DRAM1: variants seen among roughly 807,000 people sequenced by gnomAD.
The protein encoded by DRAM1 is DNA damage regulated autophagy modulator 1.
Under a neutral mutation model 28.5 loss-of-function variants are expected in DRAM1, and 25 were observed. The ratio of observed to expected loss-of-function variants is 0.88; its 90% CI spans 0.64 to 1.23. The LOEUF is 1.23. Ranked by LOEUF, DRAM1 falls within the 50% of genes most tolerant of loss-of-function variation. The probability of loss-of-function intolerance (pLI) is 0.00; values close to 1 mark genes in which losing one functional copy is unlikely to be tolerated. For missense variants in DRAM1, 249 were observed against 299.2 expected (o/e 0.83, Z 1.24); for synonymous variants, 113 against 114.2 (o/e 0.99, Z 0.07).
chr12:101,913,816 A>G (rs1874134475), intron 4 of DRAM1, among the ~76,000 whole-genome samples: 1 of 151,970 alleles, frequency 6.6e-6, no homozygotes, highest in African/African-American at 2.4e-5. Flanking sequence ...TGCGTCAGTC[A>G]TTTTGACCGA....
chr12:101,881,436 C>G (rs1040427612), intron 1 of DRAM1, among the ~76,000 whole-genome samples: 5 of 152,086 alleles, frequency 3.3e-5, no homozygotes, highest in African/African-American at 9.7e-5. Context: ...CTCAAGCAAT[C>G]CCCTGACCTC....
intron 5 of DRAM1, among the ~76,000 whole-genome samples, chr12:101,918,032 A>G (rs533349526): frequency 5.3e-5 from 8 of 152,346 alleles, no homozygotes; most frequent in African/African-American, 1.9e-4. Flanking sequence ...TGAAAAGCAC[A>G]TGGTTTTCTA....
At chr12:101,886,715 T>C (rs1047470572) in intron 1 of DRAM1, among the ~76,000 whole-genome samples, 4 of 152,234 alleles carry the variant, frequency 2.6e-5, no homozygotes, top group Non-Finnish European at 4.4e-5. Context: ...TGTATTCTCA[T>C]CAAATGCCAA....
chr12:101,920,978 G>A (rs1020737614), intron 6 of DRAM1, among the ~76,000 whole-genome samples: 27 of 152,084 alleles, frequency 1.8e-4, no homozygotes, highest in Non-Finnish European at 3.8e-4. Flanking sequence ...TCCCAAAGCA[G>A]ATAGAAGATG....
intron 6 of DRAM1, 109 bp from the exon 7 acceptor site, chr12:101,921,107 A>G (rs1874464615): frequency 3.6e-6 from 3 of 835,434 alleles, no homozygotes; most frequent in Non-Finnish European, 6.3e-6. Flanking sequence ...CATAGCACAA[A>G]CCATAGTGAG....
At chr12:101,878,568 C>G (rs1872579333) in intron 1 of DRAM1, among the ~76,000 whole-genome samples, 1 of 152,242 alleles carries the variant, frequency 6.6e-6, no homozygotes, top group South Asian at 2.1e-4. Context: ...TTGTCAACAA[C>G]TTGTGACATC....
intron 3 of DRAM1, among the ~76,000 whole-genome samples, chr12:101,906,868 A>AAAAAG (rs1158979360): frequency 4.1e-5 from 6 of 147,464 alleles, no homozygotes; most frequent in Admixed American, 3.3e-4. Flanking sequence ...AAAAAAAAAA[A>AAAAAG]AAAAAGAAAA....
At chr12:101,890,080 A>AT (rs780068531) in intron 1 of DRAM1, 1 of 444,300 alleles carries the variant, frequency 2.3e-6, no homozygotes, top group South Asian at 1.6e-5. Context: ...TTCTTTTTTG[A>AT]TTTTTATTTA....
chr12:101,897,917 C>A lies in DRAM1; in HGVS notation c.186C>A (p.Phe62Leu). ...ESGIFGFMIN[F>L]SAFLGAATMY... Reference sequence around the variant, plus strand: ...GTATTTTTGGATTTATGATAAACTTCTCTGCATTTCTTGGTAAGTACACAA... The same window carrying A: ...GTATTTTTGGATTTATGATAAACTTATCTGCATTTCTTGGTAAGTACACAA... Residue 62 changes from phenylalanine to leucine, a missense_variant, in exon 2 of 7, where the codon TTC becomes TTA. By Grantham distance (22) the Phe-to-Leu change is conservative (BLOSUM62 0). This residue lies in a region of DRAM1 where 218 missense variants were observed against 243.1 expected (regional missense o/e 0.90). Transcript: ENST00000258534. The A allele has an allele frequency of 6.3e-7, 1 of 1,599,542 alleles. No homozygotes were observed. The highest frequency in any genetic ancestry group is 8.6e-7 in the Non-Finnish European group (1 of 1,167,358).
chr12:101,890,831 A>G (rs1445442610), intron 1 of DRAM1, among the ~76,000 whole-genome samples: 1 of 148,538 alleles, frequency 6.7e-6, no homozygotes, highest in Non-Finnish European at 1.5e-5. Flanking sequence ...GCTCACTGCA[A>G]CCTCCACTTC....
At chr12:101,881,228 C>A (rs149453317) in intron 1 of DRAM1, among the ~76,000 whole-genome samples, 1 of 152,144 alleles carries the variant, frequency 6.6e-6, no homozygotes, top group East Asian at 1.9e-4. Context: ...TGCCGTGAAC[C>A]GAGACTGTGC....
At chr12:101,903,239 T>C (rs1156666923) in intron 3 of DRAM1, among the ~76,000 whole-genome samples, 2 of 152,168 alleles carry the variant, frequency 1.3e-5, no homozygotes, top group African/African-American at 4.8e-5. Flanking sequence ...TTGCAATAAA[T>C]CACATTTTTG....
At chr12:101,909,823 G>A (rs985040544) in intron 4 of DRAM1, among the ~76,000 whole-genome samples, 9 of 152,026 alleles carry the variant, frequency 5.9e-5, no homozygotes, top group African/African-American at 2.2e-4. Flanking sequence ...AAAAAAAGCC[G>A]TGGTCTTAAA....
chr12:101,902,846 G>A (rs953685079), intron 3 of DRAM1, among the ~76,000 whole-genome samples: 2 of 152,038 alleles, frequency 1.3e-5, no homozygotes, highest in African/African-American at 4.8e-5. Context: ...CGTCATATCA[G>A]GAGCAAACCA....
At chr12:101,883,427 G>A (rs977310437) in intron 1 of DRAM1, among the ~76,000 whole-genome samples, 2 of 149,890 alleles carry the variant, frequency 1.3e-5, no homozygotes, top group African/African-American at 4.9e-5. Context: ...CGATTCTCCT[G>A]CCTCAGCCTC....
At chr12:101,912,762 C>G (rs1421779406) in intron 4 of DRAM1, among the ~76,000 whole-genome samples, 1 of 144,046 alleles carries the variant, frequency 6.9e-6, no homozygotes, top group African/African-American at 2.6e-5. Flanking sequence ...GAGACAGAGT[C>G]TCACCCTGTT....
rs1333187269 is a variant in DRAM1, at chr12:101,922,670, C to T, written c.*1410C>T. 6.6e-6 allele frequency: 1 copy of T among 152,160 alleles called. No individual in the cohort carries two copies. The highest frequency in any genetic ancestry group is 1.5e-5 in the Non-Finnish European group (1 of 68,046). The allele number at this position is 152,160 out of a possible 1,614,324, so 9.4% of individuals were successfully genotyped here. On this transcript the variant is annotated 3_prime_UTR_variant, in exon 7 of 7. Coordinates refer to ENST00000258534, the MANE Select transcript of DRAM1 (RefSeq NM_018370.3). The stretch of plus-strand genomic sequence containing the variant: ...GACACCCCTACCGCTGCCATTTGGG[C>T]CCTTTAATAAAGCCAAGTAGAGAAA...
chr12:101,901,377 T>A lies in DRAM1; in HGVS notation c.286T>A (p.Ser96Thr), dbSNP rs1453080469. The A allele has an allele frequency of 6.2e-7, 1 of 1,614,152 alleles. No individual in the cohort carries two copies. The highest frequency in any genetic ancestry group is 2.2e-5 in the East Asian group (1 of 44,884). Reference sequence around the variant, plus strand: ...CAGCACTCCTGTTTTTAACTTGGTGTCTTTAGTGCTTGGATTGGTGGGATG... The same window carrying A: ...CAGCACTCCTGTTTTTAACTTGGTGACTTTAGTGCTTGGATTGGTGGGATG... The part of the protein sequence containing the change: ...YFSTPVFNLV[S>T]LVLGLVGCFG... The change falls in exon 3 of 7, where the codon TCT (serine) becomes ACT (threonine). Residue 96 changes from serine (S) to threonine (T), a missense_variant. Coordinates refer to ENST00000258534, the MANE Select transcript of DRAM1 (RefSeq NM_018370.3).
rs574722379 is a variant in DRAM1 at position 101,895,186 on chromosome 12, G to GTTT, written c.132-2649_132-2647dup. 3.6e-3 allele frequency among the ~76,000 whole-genome samples: 275 copies of GTTT among 75,728 alleles called. 12 individuals are homozygous for GTTT. The highest frequency in any genetic ancestry group is 5.2e-3 in the Non-Finnish European group (223 of 42,868). 49.7% of individuals were successfully genotyped at this position (75,728 alleles called of 152,430 possible). A position where few individuals can be genotyped will look rare whatever the true frequency, so the allele number is the denominator to read the frequency against. On this transcript the variant is annotated intron_variant, in intron 1 of 6. Transcript: ENST00000258534. ...TAATGCTAAATTCGAAACCCTTCAG[G>GTTT]TTTTTTTTTTTTTTTTTTTTTTTTT...
Sources: allele counts gnomAD v4.1 joint callset (sites outside exome capture counted in the v4.1 genomes callset), GRCh38; gene constraint gnomAD v4.1.1; regional missense constraint gnomAD v4.1.1; transcripts MANE v1.5; gene names NCBI Gene and HGNC (gene_info 2026-07-23, HGNC 2026-07-21).